The following ARHGAP32 variants were observed in gnomAD, a reference collection of about 807,000 sequenced individuals.
The protein encoded by ARHGAP32 is rho GTPase-activating protein 32.
A neutral mutation model predicts 186.5 loss-of-function variants in ARHGAP32; 51 were observed. That is an observed-to-expected ratio of 0.27 (90% CI 0.22 to 0.35). ARHGAP32 has a LOEUF of 0.35. Ranked by LOEUF, ARHGAP32 falls within the 10% of genes least tolerant of loss-of-function variation. ARHGAP32 has a pLI of 1.00. For synonymous variants in ARHGAP32, 950 were observed against 964.3 expected (o/e 0.99, Z 0.27); for missense variants, 2,186 against 2,623.5 (o/e 0.83, Z 3.64).
chr11:128,968,970 T>C lies in ARHGAP32; in HGVS notation c.6243A>G (p.Gln2081=), dbSNP rs773943425. ...ACAACTCTGCGGGCAGGAAGGCCCC[T>C]TGACCCAACGCTGTAGCATAGGTCC... ...QSRTYATALG[Q]GAFLPAELSL... is the part of the protein sequence containing the mutation. Residue 2081 remains glutamine, a synonymous_variant, in exon 23 of 23, where the codon CAA becomes CAG. Coordinates refer to ENST00000682385, the MANE Select transcript of ARHGAP32 (RefSeq NM_001378024.1). 6 of 1,582,892 alleles carry C rather than the reference T, an allele frequency of 3.8e-6. No individual in the cohort carries two copies. The highest frequency in any genetic ancestry group is 4.3e-6 in the Non-Finnish European group (5 of 1,159,140).
At chr11:129,238,428 C>T (rs1216056314) in intron 1 of ARHGAP32, among the ~76,000 whole-genome samples, 1 of 152,084 alleles carries the variant, frequency 6.6e-6, no homozygotes, top group Admixed American at 6.5e-5. Flanking sequence ...CTACCAATGG[C>T]CATTTACAAT....
chr11:129,079,161 G>A (rs996693296), intron 6 of ARHGAP32, among the ~76,000 whole-genome samples: 1 of 152,180 alleles, frequency 6.6e-6, no homozygotes, highest in African/African-American at 2.4e-5. Context: ...AGAAATGAGA[G>A]AAATCTAAAG....
intron 2 of ARHGAP32, among the ~76,000 whole-genome samples, chr11:129,147,807 T>G (rs1412923432): frequency 6.6e-6 from 1 of 152,178 alleles, no homozygotes; most frequent in East Asian, 1.9e-4. Context: ...TTGTGCTCAT[T>G]CTATATTTCT....
At chr11:129,025,857 A>G in intron 11 of ARHGAP32, among the ~76,000 whole-genome samples, 1 of 148,766 alleles carries the variant, frequency 6.7e-6, no homozygotes, top group East Asian at 1.9e-4. Context: ...TATTATATAT[A>G]ACATATTATT....
Position 129,056,638 on chromosome 11 carries a change from C to T in ARHGAP32, c.963+5642G>A, listed in dbSNP as rs539992554. On this transcript the variant is annotated intron_variant, in intron 10 of 22. Transcript: ENST00000682385. ...AAGGACCACTGCACAGAGACTTGTG[C>T]CTTCTCATGCCCTGACAGCTGGCCA... Among the ~76,000 whole-genome samples the T allele has an allele frequency of 3.6e-4, 55 of 152,300 alleles. 1 individual carries two copies. Among genetic ancestry groups the T allele is most frequent in the Middle Eastern group, 3.4e-3 (1 of 294 alleles).
intron 1 of ARHGAP32, among the ~76,000 whole-genome samples, chr11:129,259,870 GTTTGT>G (rs1945299699): frequency 1.3e-5 from 2 of 152,028 alleles, no homozygotes; most frequent in African/African-American, 4.8e-5. Context: ...TAAGCTTTTT[GTTTGT>G]TTTGTTTTTT....
chr11:129,089,499 T>C (rs1177795863), intron 6 of ARHGAP32, among the ~76,000 whole-genome samples: 1 of 152,102 alleles, frequency 6.6e-6, no homozygotes, highest in Admixed American at 6.5e-5. Flanking sequence ...ATGATCAAAG[T>C]ACAGGAAAGA....
At chr11:129,202,333 T>C (rs1168213559) in intron 1 of ARHGAP32, among the ~76,000 whole-genome samples, 2 of 152,116 alleles carry the variant, frequency 1.3e-5, no homozygotes, top group Non-Finnish European at 2.9e-5. Flanking sequence ...GTGGATGCTG[T>C]TTTTCTACCC....
chr11:129,242,164 G>A (rs1339660008), intron 1 of ARHGAP32, among the ~76,000 whole-genome samples: 3 of 152,160 alleles, frequency 2.0e-5, no homozygotes, highest in Non-Finnish European at 4.4e-5. Context: ...TGGTTAGGGT[G>A]AGACAAGCAA....
At chr11:128,976,266 A>G (rs898138642) in intron 20 of ARHGAP32, among the ~76,000 whole-genome samples, 1 of 152,182 alleles carries the variant, frequency 6.6e-6, no homozygotes, top group African/African-American at 2.4e-5. Context: ...TAAAGGAAAC[A>G]GTAATAACAC....
intron 20 of ARHGAP32, among the ~76,000 whole-genome samples, chr11:128,976,068 CTCTG>C (rs1292087823): frequency 4.1e-5 from 5 of 123,004 alleles, no homozygotes; most frequent in African/African-American, 1.5e-4. Flanking sequence ...CAAAGCGAGA[CTCTG>C]TCTAACATAT....
intron 11 of ARHGAP32, among the ~76,000 whole-genome samples, chr11:129,031,681 G>A (rs1939119065): frequency 6.6e-6 from 1 of 152,166 alleles, no homozygotes; most frequent in South Asian, 2.1e-4. Context: ...AGAAGAGGGT[G>A]GTCCCTGGCA....
At chr11:129,097,844 C>T (rs1941779455) in intron 5 of ARHGAP32, among the ~76,000 whole-genome samples, 1 of 152,076 alleles carries the variant, frequency 6.6e-6, no homozygotes. Flanking sequence ...AAGATAAACT[C>T]AGAGAGACCC....
chr11:129,046,894 G>T (rs536639405), intron 10 of ARHGAP32, among the ~76,000 whole-genome samples: 15 of 152,272 alleles, frequency 9.9e-5, no homozygotes, highest in African/African-American at 3.4e-4. Context: ...GGAGGCCGAG[G>T]CGGGCGGATC....
At chr11:129,131,948 T>C (rs1260242638) in intron 2 of ARHGAP32, among the ~76,000 whole-genome samples, 1 of 152,182 alleles carries the variant, frequency 6.6e-6, no homozygotes. Flanking sequence ...TAATTTTTAT[T>C]TTTAAGTTCT....
At chr11:129,034,243 G>A (rs919059062) in intron 11 of ARHGAP32, among the ~76,000 whole-genome samples, 2 of 152,132 alleles carry the variant, frequency 1.3e-5, no homozygotes, top group South Asian at 2.1e-4. Flanking sequence ...GTCTCCATAT[G>A]CAGGGGTCAC....
intron 10 of ARHGAP32, among the ~76,000 whole-genome samples, chr11:129,059,172 C>G (rs765579711): frequency 6.6e-5 from 10 of 152,166 alleles, no homozygotes; most frequent in Non-Finnish European, 1.3e-4. Flanking sequence ...GCTCTTCAGG[C>G]AATGAGATGG....
intron 2 of ARHGAP32, among the ~76,000 whole-genome samples, chr11:129,153,442 A>G (rs1943333586): frequency 6.6e-6 from 1 of 152,218 alleles, no homozygotes; most frequent in Non-Finnish European, 1.5e-5. Context: ...GACTAAGCAA[A>G]AAGAACAAAC....
chr11:129,224,403 A>T (rs1040712285), intron 1 of ARHGAP32, among the ~76,000 whole-genome samples: 2 of 152,176 alleles, frequency 1.3e-5, no homozygotes, highest in Non-Finnish European at 2.9e-5. Flanking sequence ...TGAAAACAGT[A>T]GAGTGAGTAC....
Sources: allele counts gnomAD v4.1 joint callset (sites outside exome capture counted in the v4.1 genomes callset), GRCh38; gene constraint gnomAD v4.1.1; transcripts MANE v1.5; gene names NCBI Gene and HGNC (gene_info 2026-07-23, HGNC 2026-07-21).